BEND3: variants seen among roughly 807,000 people sequenced by gnomAD.
BEND3 encodes BEN domain-containing protein 3.
A neutral mutation model predicts 60.1 loss-of-function variants in BEND3; 13 were observed. The ratio of observed to expected loss-of-function variants is 0.22; its 90% CI spans 0.14 to 0.34. BEND3 has a LOEUF of 0.34. Ranked by LOEUF, BEND3 falls within the 10% of genes least tolerant of loss-of-function variation. BEND3 has a pLI of 1.00. For missense variants in BEND3, 896 were observed against 1,138.1 expected, an observed-to-expected ratio of 0.79 and a Z score of 3.06; for synonymous variants, 497 against 491.5, an observed-to-expected ratio of 1.01 and a Z score of -0.15.
Position 107,065,506 on chromosome 6 carries a change from G to A in BEND3, c.*3198C>T, listed in dbSNP as rs1774807028. ...CAAGTATTTCCCAACAGCAGTAATA[G>A]CCCCTTGGCCCTCACCCCCACTTCA... On this transcript the variant is annotated 3_prime_UTR_variant, in exon 4 of 4. Coordinates refer to ENST00000369042, the MANE Select transcript of BEND3 (RefSeq NM_001367314.1). 6.6e-6 allele frequency: 1 copy of A among 152,370 alleles called. No homozygotes were observed. Among genetic ancestry groups the A allele is most frequent in the African/African-American group, 2.4e-5 (1 of 41,550 alleles). The allele number at this position is 152,370 out of a possible 1,614,324, so 9.4% of individuals were successfully genotyped here.
At chr6:107,087,053 A>C (rs1775366312) in intron 3 of BEND3, among the ~76,000 whole-genome samples, 2 of 150,854 alleles carry the variant, frequency 1.3e-5, no homozygotes, top group Admixed American at 1.3e-4. Context: ...AAAAAGAAAA[A>C]AAAACTACAA....
At position 107,069,112 on chromosome 6, in the gene BEND3, C is replaced by T. The variant is rs1554231336; in HGVS notation, c.2079G>A (p.Arg693=). Residue 693 remains arginine (R), a synonymous_variant, in exon 4 of 4, where the codon AGG becomes AGA. Transcript: ENST00000369042. ...EFEGPPLPPE[R]SSKDFCKIPL... ...GGATCTTGCAAAAGTCCTTGCTGCT[C>T]CTCTCGGGGGGCAGTGGGGGCCCCT... 2 of 1,612,908 alleles carry T rather than the reference C, an allele frequency of 1.2e-6. No homozygotes were observed. Among genetic ancestry groups the T allele is most frequent in the Non-Finnish European group, 1.7e-6 (2 of 1,179,982 alleles).
chr6:107,076,841 A>T (rs1473885926), intron 3 of BEND3, among the ~76,000 whole-genome samples: 1 of 150,898 alleles, frequency 6.6e-6, no homozygotes, highest in Non-Finnish European at 1.5e-5. Context: ...TCATCATCAA[A>T]TTTTTTTTTG....
intron 1 of BEND3, among the ~76,000 whole-genome samples, chr6:107,108,102 G>C (rs574260291): frequency 1.3e-5 from 2 of 152,206 alleles, no homozygotes; most frequent in Admixed American, 1.3e-4. Context: ...AAAAATACCA[G>C]TCCTCACAAA....
intron 1 of BEND3, among the ~76,000 whole-genome samples, chr6:107,105,642 G>GC (rs1415602724): frequency 2.6e-5 from 4 of 152,180 alleles, no homozygotes; most frequent in African/African-American, 9.7e-5. Context: ...AGGCCTGTGG[G>GC]CCGGGGAGTC....
chr6:107,090,065 G>A (rs1470816949), intron 3 of BEND3, among the ~76,000 whole-genome samples: 1 of 151,970 alleles, frequency 6.6e-6, no homozygotes, highest in African/African-American at 2.4e-5. Context: ...TTATACTACA[G>A]AGGCCAGGTG....
rs1554230841 is a variant in BEND3 at position 107,066,399 on chromosome 6, A to C, written c.*2305T>G. ...TGTCCACTTCTCTTCACAGAAAGGGACTGTAAGATTCTGGGGGAAGATGCC... is the reference window on the plus strand; with the variant it reads ...TGTCCACTTCTCTTCACAGAAAGGGCCTGTAAGATTCTGGGGGAAGATGCC... On this transcript the variant is annotated 3_prime_UTR_variant, in exon 4 of 4. Coordinates refer to ENST00000369042, the MANE Select transcript of BEND3 (RefSeq NM_001367314.1). 1 of 152,492 alleles carries C rather than the reference A, an allele frequency of 6.6e-6. No individual in the cohort carries two copies. Among genetic ancestry groups the C allele is most frequent in the Non-Finnish European group, 1.5e-5 (1 of 68,008 alleles). 9.4% of individuals were successfully genotyped at this position (152,492 alleles called of 1,614,324 possible). A position where few individuals can be genotyped will look rare whatever the true frequency, so the allele number is the denominator to read the frequency against.
At chr6:107,093,262 C>G (rs1775513560) in intron 3 of BEND3, among the ~76,000 whole-genome samples, 1 of 152,116 alleles carries the variant, frequency 6.6e-6, no homozygotes, top group Non-Finnish European at 1.5e-5. Flanking sequence ...AGATCGAGAC[C>G]ATCCTGGCTA....
intron 1 of BEND3, chr6:107,114,274 C>T (rs551341799): frequency 6.6e-6 from 1 of 152,244 alleles, no homozygotes; most frequent in East Asian, 1.9e-4. Flanking sequence ...CGGCGAGCGC[C>T]CCAGGCTTCA....
chr6:107,081,491 G>T (rs1554233546), intron 3 of BEND3, among the ~76,000 whole-genome samples: 1 of 152,032 alleles, frequency 6.6e-6, no homozygotes, highest in South Asian at 2.1e-4. Flanking sequence ...CAAAGTGCTG[G>T]GATTACAGGC....
rs782464444 is a variant in BEND3 at position 107,110,631 on chromosome 6, G to T, written c.-12+4459C>A. On this transcript the variant is annotated intron_variant, in intron 1 of 3. Coordinates refer to ENST00000369042, the MANE Select transcript of BEND3 (RefSeq NM_001367314.1). ...TGGAGTGCAGTGTGGCACGATCTTG[G>T]CTCACTGCAGCCTCCTCCTCCCAGG... 6.8e-4 allele frequency among the ~76,000 whole-genome samples: 103 copies of T among 152,054 alleles called. 2 individuals carry two copies. Among genetic ancestry groups the T allele is most frequent in the Non-Finnish European group, 1.8e-4 (12 of 68,028 alleles).
Position 107,070,380 on chromosome 6 carries a change from G to C in BEND3, c.811C>G (p.Leu271Val). ...LSGGDLACRLLVQLFPELFSD... is the reference protein window; with the variant it reads ...LSGGDLACRLVVQLFPELFSD... Reference sequence around the variant, plus strand: ...AAGAGCTCGGGGAAGAGCTGCACCAGCAAGCGGCAGGCCAGGTCCCCCCCT... The same window carrying C: ...AAGAGCTCGGGGAAGAGCTGCACCACCAAGCGGCAGGCCAGGTCCCCCCCT... The change falls in exon 4 of 4, where the codon CTG becomes GTG. Residue 271 changes from leucine to valine, a missense_variant. Around this residue, in one of 4 missense-constraint regions of BEND3, gnomAD observed 846 missense variants for 1,036.7 expected, o/e 0.82. Coordinates refer to ENST00000369042, the MANE Select transcript of BEND3 (RefSeq NM_001367314.1). The surrounding 1 kb of genome is among the most constrained non-coding windows in gnomAD (Gnocchi z 6.9). 6.2e-7 allele frequency: 1 copy of C among 1,613,808 alleles called. No individual in the cohort carries two copies. The highest frequency in any genetic ancestry group is 1.1e-5 in the South Asian group (1 of 91,086).
rs1774839185 is a variant in BEND3 at position 107,066,726 on chromosome 6, G to A, written c.*1978C>T. Reference sequence around the variant, plus strand: ...CCCAACAACCAGCGGTGGGAAGGGGGAGGTGGTGGGAGAGGGCCACAGCTG... The same window carrying A: ...CCCAACAACCAGCGGTGGGAAGGGGAAGGTGGTGGGAGAGGGCCACAGCTG... On this transcript the variant is annotated 3_prime_UTR_variant, in exon 4 of 4. Transcript: ENST00000369042. 6.6e-6 allele frequency: 1 copy of A among 152,652 alleles called. No individual in the cohort carries two copies. The highest frequency in any genetic ancestry group is 6.5e-5 in the Admixed American group (1 of 15,274). 9.5% of individuals were successfully genotyped at this position (152,652 alleles called of 1,614,324 possible). A position where few individuals can be genotyped will look rare whatever the true frequency, so the allele number is the denominator to read the frequency against.
At chr6:107,081,049 G>T (rs1554233477) in intron 3 of BEND3, among the ~76,000 whole-genome samples, 2 of 152,042 alleles carry the variant, frequency 1.3e-5, no homozygotes, top group Non-Finnish European at 2.9e-5. Context: ...CAACCTCCCA[G>T]GATCAGGTGA....
At chr6:107,090,465 T>A (rs911169636) in intron 3 of BEND3, among the ~76,000 whole-genome samples, 2 of 152,168 alleles carry the variant, frequency 1.3e-5, no homozygotes, top group African/African-American at 2.4e-5. Flanking sequence ...AGAAAGTGCA[T>A]CAGGGAAGGA....
intron 1 of BEND3, among the ~76,000 whole-genome samples, chr6:107,113,544 G>T (rs77686939): frequency 0.022 from 3,313 of 151,972 alleles, 135 homozygotes; most frequent in African/African-American, 0.076. Flanking sequence ...GCAGCAACTG[G>T]CGCTCTGGCT....
intron 3 of BEND3, among the ~76,000 whole-genome samples, chr6:107,094,122 G>C (rs1291335284): frequency 7.2e-5 from 11 of 152,174 alleles, no homozygotes; most frequent in African/African-American, 2.7e-4. Flanking sequence ...TGTAATCCCG[G>C]CACTTTCGAA....
In BEND3 at chr6:107,070,494, G is replaced by A. The variant is rs782785958; in HGVS notation, c.697C>T (p.Pro233Ser). ...TGGAATTTGGCCACCATCTCAGTGG[G>A]GCTCACCTGCTTCTTGATGCGGCTC... ...EVSRIKKQVS[P>S]TEMVAKFQPP... The change falls in exon 4 of 4, where the codon CCC becomes TCC. Residue 233 changes from proline to serine, a missense_variant. Transcript: ENST00000369042. The surrounding 1 kb of genome is among the most constrained non-coding windows in gnomAD (Gnocchi z 6.9). The A allele has an allele frequency of 6.2e-7, 1 of 1,614,086 alleles. No individual in the cohort carries two copies. The highest frequency in any genetic ancestry group is 1.1e-5 in the South Asian group (1 of 91,074).
intron 1 of BEND3, among the ~76,000 whole-genome samples, chr6:107,108,304 C>T (rs1775864902): frequency 6.6e-6 from 1 of 152,162 alleles, no homozygotes; most frequent in Admixed American, 6.6e-5. Context: ...TGCCATCTTC[C>T]TCAGCTAAGA....
Sources: gnomAD v4.1 joint callset for allele counts (sites outside exome capture counted in the v4.1 genomes callset) on GRCh38, gnomAD v4.1.1 for gene constraint, gnomAD v4.1.1 regional missense constraint, Gnocchi (gnomAD v3.1) non-coding constraint, MANE v1.5 for transcripts, NCBI Gene and HGNC (gene_info 2026-07-23, HGNC 2026-07-21) for gene names.